FAM135A: variants seen among roughly 807,000 people sequenced by gnomAD.
FAM135A encodes family with sequence similarity 135 member A.
In FAM135A, 79 loss-of-function variants were observed where a neutral mutation model predicts 146.8. The ratio of observed to expected loss-of-function variants is 0.54; its 90% CI spans 0.45 to 0.65. The LOEUF (loss-of-function observed/expected upper bound fraction) is 0.65. Ranked by LOEUF, FAM135A falls within the 30% of genes least tolerant of loss-of-function variation. The pLI is 0.00. For missense variants in FAM135A, 1,623 were observed against 1,758.2 expected, an observed-to-expected ratio of 0.92 and a Z score of 1.38; for synonymous variants, 562 against 603.6, an observed-to-expected ratio of 0.93 and a Z score of 1.01.
At chr6:70,431,312 G>T (rs73474971) in intron 4 of FAM135A, among the ~76,000 whole-genome samples, 7,028 of 152,182 alleles carry the variant, frequency 0.046, 361 homozygotes, top group African/African-American at 0.11. Context: ...GGGTGGCTTG[G>T]CTCATCTTTG....
At chr6:70,461,425 A>C (rs889989160) in intron 5 of FAM135A, among the ~76,000 whole-genome samples, 22 of 152,212 alleles carry the variant, frequency 1.4e-4, no homozygotes, top group African/African-American at 5.3e-4. Context: ...AATGGAAAAC[A>C]GTCATGTTTT....
chr6:70,494,860 G>C (rs1786867315), intron 11 of FAM135A, among the ~76,000 whole-genome samples: 1 of 152,102 alleles, frequency 6.6e-6, no homozygotes, highest in South Asian at 2.1e-4. Flanking sequence ...TTAAAGGCCA[G>C]AGAATTGTTT....
rs1262268372 is a variant in FAM135A, at chr6:70,524,992, C to G, written c.1908C>G (p.Ser636=). ...EITQMEHNLA[S]RRSSDDCHDH... Reference sequence around the variant, plus strand: ...CACAAATGGAACACAATCTGGCATCCAGAAGGTCATCAGACGATTGCCATG... The same window carrying G: ...CACAAATGGAACACAATCTGGCATCGAGAAGGTCATCAGACGATTGCCATG... Residue 636 remains serine, a synonymous_variant, in exon 15 of 22, where the codon TCC becomes TCG. Transcript: ENST00000418814. 4 of 1,601,874 alleles carry G rather than the reference C, an allele frequency of 2.5e-6. No individual in the cohort carries two copies. In the East Asian group the frequency reaches 8.9e-5, roughly 36 times the overall value.
intron 13 of FAM135A, among the ~76,000 whole-genome samples, chr6:70,523,219 G>A (rs1793988209): frequency 6.6e-6 from 1 of 152,162 alleles, no homozygotes; most frequent in African/African-American, 2.4e-5. Flanking sequence ...GGGAAGACAT[G>A]AGGGAACCAT....
chr6:70,557,323 C>A (rs990517374), intron 21 of FAM135A: 3 of 173,696 alleles, frequency 1.7e-5, no homozygotes, highest in African/African-American at 7.1e-5. Flanking sequence ...AAACTTGAGT[C>A]CTGTTTACTC....
intron 5 of FAM135A, among the ~76,000 whole-genome samples, chr6:70,474,497 G>T (rs962454957): frequency 6.6e-6 from 1 of 152,132 alleles, no homozygotes; most frequent in Admixed American, 6.6e-5. Flanking sequence ...AAATCTGGGG[G>T]TTCCCATTAT....
At chr6:70,555,047 CAT>C (rs2128500399) in intron 20 of FAM135A, among the ~76,000 whole-genome samples, 2 of 152,332 alleles carry the variant, frequency 1.3e-5, no homozygotes, top group South Asian at 4.1e-4. Context: ...TTCTCACTGT[CAT>C]AAACAGTCAA....
intron 20 of FAM135A, among the ~76,000 whole-genome samples, chr6:70,548,340 A>G (rs1013365789): frequency 6.6e-6 from 1 of 152,252 alleles, no homozygotes; most frequent in Non-Finnish European, 1.5e-5. Flanking sequence ...CAAGTTTAAA[A>G]TGCATTTTTA....
At chr6:70,432,148 T>C (rs979778556) in intron 4 of FAM135A, among the ~76,000 whole-genome samples, 1 of 152,128 alleles carries the variant, frequency 6.6e-6, no homozygotes, top group Non-Finnish European at 1.5e-5. Context: ...AATAACTTAA[T>C]ATTCACAAAC....
At chr6:70,532,427 AT>A (rs1246764213) in intron 16 of FAM135A, among the ~76,000 whole-genome samples, 3 of 152,086 alleles carry the variant, frequency 2.0e-5, no homozygotes, top group Non-Finnish European at 2.9e-5. Context: ...ATGGATTTTT[AT>A]TTTTCTCAGT....
intron 4 of FAM135A, among the ~76,000 whole-genome samples, chr6:70,435,292 G>C (rs1316626377): frequency 6.6e-6 from 1 of 151,194 alleles, no homozygotes; most frequent in Non-Finnish European, 1.5e-5. Flanking sequence ...TTTAGTAGAG[G>C]TGGCGTTTTG....
Position 70,528,548 on chromosome 6 carries a change from G to T in FAM135A, c.3775+96G>T, listed in dbSNP as rs116569932. 4,587 of 1,131,878 alleles carry T rather than the reference G, an allele frequency of 4.1e-3. 157 individuals are homozygous for T. The African/African-American group carries it at 0.065, about 16-fold the overall frequency. The allele number at this position is 1,131,878 out of a possible 1,614,324, so 70.1% of individuals were successfully genotyped here. ...TCATTTAGTCTTTGAACTAAAAAAA[G>T]ATTTTTTAATTGCTTAAATTAATTG... is the stretch of plus-strand genomic sequence containing the variant. On this transcript the variant is annotated intron_variant, in intron 16 of 21. Transcript: ENST00000418814.
At chr6:70,440,171 A>C (rs1562421885) in intron 4 of FAM135A, among the ~76,000 whole-genome samples, 1 of 152,172 alleles carries the variant, frequency 6.6e-6, no homozygotes, top group East Asian at 1.9e-4. Flanking sequence ...GGATTGATTA[A>C]ATTCCAGTTG....
intron 5 of FAM135A, among the ~76,000 whole-genome samples, chr6:70,473,389 C>G (rs1781983709): frequency 6.6e-6 from 1 of 152,108 alleles, no homozygotes; most frequent in Non-Finnish European, 1.5e-5. Flanking sequence ...ATTATATACA[C>G]CATACACTTA....
chr6:70,419,297 T>C (rs1035608365), intron 2 of FAM135A, among the ~76,000 whole-genome samples: 1 of 152,140 alleles, frequency 6.6e-6, no homozygotes, highest in East Asian at 1.9e-4. Flanking sequence ...CGCACGCCTG[T>C]AGTCCCAGCT....
At chr6:70,484,251 T>A (rs1328254086) in intron 10 of FAM135A, among the ~76,000 whole-genome samples, 1 of 152,064 alleles carries the variant, frequency 6.6e-6, no homozygotes, top group Non-Finnish European at 1.5e-5. Context: ...CCCAGCAAAA[T>A]GGGGCTTCAA....
At chr6:70,559,454 A>T (rs912380515) in intron 21 of FAM135A, among the ~76,000 whole-genome samples, 15 of 152,092 alleles carry the variant, frequency 9.9e-5, no homozygotes, top group African/African-American at 3.4e-4. Flanking sequence ...AAATAAAAAA[A>T]AAAAAAAATC....
At chr6:70,513,517 C>G (rs957187420) in intron 12 of FAM135A, among the ~76,000 whole-genome samples, 15 of 151,420 alleles carry the variant, frequency 9.9e-5, no homozygotes, top group African/African-American at 3.6e-4. Context: ...ATATAGCTTC[C>G]TATCTAGCTC....
intron 2 of FAM135A, among the ~76,000 whole-genome samples, chr6:70,422,493 G>C (rs1388792027): frequency 1.3e-5 from 2 of 152,132 alleles, no homozygotes; most frequent in Admixed American, 6.6e-5. Context: ...GTATATATAT[G>C]TACATGTATG....
Sources: allele counts gnomAD v4.1 joint callset (sites outside exome capture counted in the v4.1 genomes callset), GRCh38; gene constraint gnomAD v4.1.1; transcripts MANE v1.5; gene names NCBI Gene and HGNC (gene_info 2026-07-23, HGNC 2026-07-21).